KCNH5: variants seen among roughly 807,000 people sequenced by gnomAD.
KCNH5 encodes voltage-gated delayed rectifier potassium channel KCNH5.
Under a neutral mutation model 96.1 loss-of-function variants are expected in KCNH5, and 46 were observed. The ratio of observed to expected loss-of-function variants is 0.48; its 90% confidence interval spans 0.38 to 0.61. The LOEUF (loss-of-function observed/expected upper bound fraction) is 0.61. KCNH5 is among the 20% of genes least tolerant of loss of function. The pLI is 0.00. For missense variants in KCNH5, 907 were observed against 1,225.8 expected, an observed-to-expected ratio of 0.74 and a Z score of 3.88; for synonymous variants, 439 against 449.8, an observed-to-expected ratio of 0.98 and a Z score of 0.30.
chr14:62,901,421 A>G (rs1467882931), intron 7 of KCNH5, among the ~76,000 whole-genome samples: 1 of 151,918 alleles, frequency 6.6e-6, no homozygotes, highest in African/African-American at 2.4e-5. Flanking sequence ...TTACTGCCAT[A>G]TTTATGTCCA....
At chr14:62,965,241 T>C in intron 6 of KCNH5, among the ~76,000 whole-genome samples, 1 of 152,220 alleles carries the variant, frequency 6.6e-6, no homozygotes, top group Non-Finnish European at 1.5e-5. Context: ...ATCCCCAATG[T>C]GGTAGTGTTG....
At chr14:62,963,977 C>A (rs535724528) in intron 6 of KCNH5, among the ~76,000 whole-genome samples, 28 of 152,088 alleles carry the variant, frequency 1.8e-4, no homozygotes, top group African/African-American at 6.7e-4. Context: ...ATTTTAATGA[C>A]CATATGTGAT....
rs182497779 is a variant in KCNH5, at chr14:62,988,567, T to C, written c.434-1380A>G. ...GGATTGGAAAAGAAATAAACTGGCA[T>C]CAATTGATGGAGAGTCTTTATTTCT... On this transcript the variant is annotated intron_variant, in intron 4 of 10. Coordinates refer to ENST00000322893, the MANE Select transcript of KCNH5 (RefSeq NM_139318.5). Among the ~76,000 whole-genome samples the C allele has an allele frequency of 2.2e-3, 341 of 152,166 alleles. 1 individual carries two copies. Among genetic ancestry groups the C allele is most frequent in the Middle Eastern group, 6.8e-3 (2 of 294 alleles).
intron 1 of KCNH5, among the ~76,000 whole-genome samples, chr14:63,020,906 C>T (rs1043376115): frequency 6.6e-6 from 1 of 152,158 alleles, no homozygotes; most frequent in African/African-American, 2.4e-5. Flanking sequence ...GGTATTACTA[C>T]ATTTCTGTGG....
chr14:62,827,135 A>G (rs1392031153), intron 8 of KCNH5, among the ~76,000 whole-genome samples: 1 of 152,216 alleles, frequency 6.6e-6, no homozygotes, highest in African/African-American at 2.4e-5. Flanking sequence ...GTTGTATAAA[A>G]GGAACAAAAA....
At chr14:62,965,763 T>C (rs1890293429) in intron 6 of KCNH5, among the ~76,000 whole-genome samples, 3 of 152,174 alleles carry the variant, frequency 2.0e-5, no homozygotes, top group Admixed American at 2.0e-4. Context: ...TTACCATATG[T>C]ACTGGCAGGC....
chr14:62,708,221 C>T lies in KCNH5; in HGVS notation c.2254G>A (p.Val752Met), dbSNP rs887460066. The T allele has an allele frequency of 6.2e-6, 10 of 1,614,086 alleles. No individual in the cohort carries two copies. Among genetic ancestry groups the T allele is most frequent in the African/African-American group, 4.0e-5 (3 of 74,934 alleles). The change falls in exon 11 of 11, where the codon GTG (valine) becomes ATG (methionine). Residue 752 changes from valine (V) to methionine (M), a missense_variant. By Grantham distance (21) the Val-to-Met change is conservative. This residue lies in a region of KCNH5 where 362 missense variants were observed against 394.4 expected (regional missense o/e 0.92). Coordinates refer to ENST00000322893, the MANE Select transcript of KCNH5 (RefSeq NM_139318.5). ...GGAGTAATCTGTGACACAGTCACCA[C>T]GCTGGTTCCGGTGATGGAGGCTCCA... ...QNGASITGTS[V>M]VTVSQITPIQ...
intron 7 of KCNH5, among the ~76,000 whole-genome samples, chr14:62,875,327 AT>A: frequency 6.6e-6 from 1 of 152,216 alleles, no homozygotes; most frequent in Non-Finnish European, 1.5e-5. Flanking sequence ...TCTTCACAGA[AT>A]TGGAAAAACC....
intron 4 of KCNH5, among the ~76,000 whole-genome samples, chr14:62,999,132 A>G (rs980741054): frequency 2.0e-5 from 3 of 152,150 alleles, no homozygotes; most frequent in African/African-American, 7.2e-5. Flanking sequence ...CAATGGTTGA[A>G]CTAGTTTACA....
Position 63,045,362 on chromosome 14 carries a change from C to T in KCNH5, c.-176G>A. 4.8e-6 allele frequency: 3 copies of T among 628,792 alleles called. No individual in the cohort carries two copies. The highest frequency in any genetic ancestry group is 3.6e-5 in the South Asian group (2 of 56,100). 39.0% of individuals were successfully genotyped at this position (628,792 alleles called of 1,614,324 possible). A position where few individuals can be genotyped will look rare whatever the true frequency, so the allele number is the denominator to read the frequency against. ...TCTCCAGCCCGACCCGGATGAGCAG[C>T]TCTGGGGAGGAGGACCAGGCAGTTC... On this transcript the variant is annotated 5_prime_UTR_variant, in exon 1 of 11. Coordinates refer to ENST00000322893, the MANE Select transcript of KCNH5 (RefSeq NM_139318.5).
At chr14:62,710,107 A>G (rs934552707) in intron 10 of KCNH5, among the ~76,000 whole-genome samples, 1 of 152,226 alleles carries the variant, frequency 6.6e-6, no homozygotes, top group Non-Finnish European at 1.5e-5. Flanking sequence ...GGAGTAACAT[A>G]TAATCATTGA....
intron 8 of KCNH5, 32 bp from the exon 9 acceptor site, chr14:62,802,613 G>A: frequency 6.2e-7 from 1 of 1,607,062 alleles, no homozygotes; most frequent in South Asian, 1.1e-5. Flanking sequence ...TAAGTGAAAA[G>A]GAAAGAGGAA....
At position 62,708,410 on chromosome 14, in the gene KCNH5, G is replaced by T; in HGVS notation, c.2065C>A (p.Arg689Ser). 3 of 1,609,020 alleles carry T rather than the reference G, an allele frequency of 1.9e-6. No individual in the cohort carries two copies. The highest frequency in any genetic ancestry group is 2.5e-6 in the Non-Finnish European group (3 of 1,178,960). The change falls in exon 11 of 11, where the codon CGC becomes AGC. Residue 689 changes from arginine (R) to serine (S), a missense_variant. Physicochemically the swap from Arg to Ser is moderately radical, Grantham distance 110 (BLOSUM62 -1). Around this residue, in one of 6 missense-constraint regions of KCNH5, gnomAD observed 362 missense variants for 394.4 expected, o/e 0.92. Coordinates refer to ENST00000322893, the MANE Select transcript of KCNH5 (RefSeq NM_139318.5). ...GTCACCTCATTCTTCTGCCGGAGGC[G>T]CTCCTCCTCCTCTTTCTTCACATCA... ...ISDVKKEEEE[R>S]LRQKNEVTLS...
intron 7 of KCNH5, among the ~76,000 whole-genome samples, chr14:62,861,825 CCATTATTT>C (rs1888040785): frequency 6.6e-6 from 1 of 152,018 alleles, no homozygotes; most frequent in Non-Finnish European, 1.5e-5. Flanking sequence ...ATGTAGCAAT[CCATTATTT>C]CGATACAGAG....
chr14:62,852,171 T>C (rs1887820278), intron 7 of KCNH5, among the ~76,000 whole-genome samples: 1 of 152,184 alleles, frequency 6.6e-6, no homozygotes, highest in Admixed American at 6.5e-5. Context: ...TTGGTTATCA[T>C]TTCTTTGTGT....
At chr14:62,969,691 A>C (rs1890366579) in intron 6 of KCNH5, among the ~76,000 whole-genome samples, 1 of 151,670 alleles carries the variant, frequency 6.6e-6, no homozygotes, top group African/African-American at 2.4e-5. Context: ...CCACCATGAC[A>C]CAGGTTTACC....
At chr14:62,746,916 GT>G (rs754481580) in intron 10 of KCNH5, among the ~76,000 whole-genome samples, 1 of 152,210 alleles carries the variant, frequency 6.6e-6, no homozygotes, top group Non-Finnish European at 1.5e-5. Flanking sequence ...AGCAAATAGT[GT>G]TTTTAGAAAA....
At position 62,928,048 on chromosome 14, in the gene KCNH5, A is replaced by T. The variant is rs114378627; in HGVS notation, c.1369+22085T>A. Reference sequence around the variant, plus strand: ...CCACTGCCAGCTATGTTTGAAAAAGAGTTGGTAAAAGACTAGAAATAAGGC... The same window carrying T: ...CCACTGCCAGCTATGTTTGAAAAAGTGTTGGTAAAAGACTAGAAATAAGGC... On this transcript the variant is annotated intron_variant, in intron 7 of 10. Coordinates refer to ENST00000322893, the MANE Select transcript of KCNH5 (RefSeq NM_139318.5). Among the ~76,000 whole-genome samples the T allele has an allele frequency of 4.7e-4, 72 of 152,236 alleles. 1 individual carries two copies. The highest frequency in any genetic ancestry group is 1.6e-3 in the African/African-American group (67 of 41,568).
intron 2 of KCNH5, 146 bp from the exon 3 acceptor site, chr14:63,006,618 C>A: frequency 1.7e-6 from 1 of 582,362 alleles, no homozygotes; most frequent in Non-Finnish European, 3.1e-6. Flanking sequence ...TCATGAGAGG[C>A]AGTTCTTGCT....
Sources: gnomAD v4.1 joint callset for allele counts (sites outside exome capture counted in the v4.1 genomes callset) on GRCh38, gnomAD v4.1.1 for gene constraint, gnomAD v4.1.1 regional missense constraint, MANE v1.5 for transcripts, NCBI Gene and HGNC (gene_info 2026-07-23, HGNC 2026-07-21) for gene names.